The following PREPL variants were observed in gnomAD, a reference collection of about 807,000 sequenced individuals.
PREPL encodes the protein prolyl endopeptidase-like.
In PREPL, 77 loss-of-function variants were observed where a neutral mutation model predicts 70.6. The observed-to-expected ratio is 1.09, with a 90% CI of 0.91 to 1.32. PREPL has a LOEUF of 1.32. Among genes scored for constraint, PREPL ranks in the 40% most tolerant of loss-of-function variants. The probability of loss-of-function intolerance (pLI) is 0.00; values close to 1 mark genes in which losing one functional copy is unlikely to be tolerated. For synonymous variants in PREPL, 315 were observed against 264.8 expected (o/e 1.19, Z -1.84); for missense variants, 1,002 against 778.2 (o/e 1.29, Z -3.42).
chr2:44,352,408 G>A (rs541123274), intron 1 of PREPL, among the ~76,000 whole-genome samples: 222 of 152,156 alleles, frequency 1.5e-3, no homozygotes, highest in Non-Finnish European at 2.5e-3. Flanking sequence ...TGAGACTACA[G>A]GCGCCACCAT....
At chr2:44,344,495 C>A (rs200821132) in intron 3 of PREPL, 25 bp downstream of exon 3, 3 of 1,498,904 alleles carry the variant, frequency 2.0e-6, no homozygotes, top group Non-Finnish European at 1.8e-6. Context: ...AATTAGAGCA[C>A]GTAAAAAGAA....
At chr2:44,347,960 T>C (rs1376832814) in intron 1 of PREPL, among the ~76,000 whole-genome samples, 2 of 152,224 alleles carry the variant, frequency 1.3e-5, no homozygotes, top group Admixed American at 6.5e-5. Context: ...TTTTAGATTT[T>C]TTTGGGACAC....
Position 44,346,316 on chromosome 2 carries a change from T to C in PREPL, c.27A>G (p.Thr9=), listed in dbSNP as rs755653904. 1.1e-5 allele frequency: 18 copies of C among 1,612,460 alleles called. No individual in the cohort carries two copies. The South Asian group carries it at 2.0e-4, about 18-fold the overall frequency. ...CTTCTTGTGGCTGTGTTTCTAATTT[T>C]GTTCTCACTTTTTCAAATGCATCCA... MDAFEKVR[T]KLETQPQEEY... Residue 9 remains threonine (T), a synonymous_variant, in exon 2 of 14, where the codon ACA becomes ACG. Transcript: ENST00000409411.
In PREPL at chr2:44,323,601, A is replaced by C. The variant is rs540772876; in HGVS notation, c.1480-190T>G. On this transcript the variant is annotated intron_variant, in intron 10 of 13. Coordinates refer to ENST00000409411, the MANE Select transcript of PREPL (RefSeq NM_001171613.2). ...TTTATAACCTACTTTTAAAGTCTTC[A>C]GATTCCTTAAATGACATATAACAAG... Among the ~76,000 whole-genome samples, 23 of 152,356 alleles carry C rather than the reference A, an allele frequency of 1.5e-4. 1 individual carries two copies. In the East Asian group the frequency reaches 4.4e-3, roughly 29 times the overall value.
chr2:44,327,013 GT>G (rs577522391), intron 9 of PREPL, 85 bp from the exon 10 acceptor site: 7 of 1,129,462 alleles, frequency 6.2e-6, no homozygotes, highest in Non-Finnish European at 9.1e-6. Flanking sequence ...CTGGAGGCCT[GT>G]TTTTTGTGTG....
intron 8 of PREPL, among the ~76,000 whole-genome samples, chr2:44,330,029 A>T (rs1261205787): frequency 6.6e-6 from 1 of 152,236 alleles, no homozygotes; most frequent in African/African-American, 2.4e-5. Context: ...GCAAAATGTA[A>T]TCAAATAAGG....
intron 1 of PREPL, among the ~76,000 whole-genome samples, chr2:44,357,980 A>G (rs1211423433): frequency 6.6e-6 from 1 of 152,242 alleles, no homozygotes; most frequent in East Asian, 1.9e-4. Context: ...CATAAACAGT[A>G]AAAGTCTAGG....
chr2:44,359,597 C>T lies in PREPL; in HGVS notation c.-49+1783G>A. 6.2e-7 allele frequency: 1 copy of T among 1,611,500 alleles called. No homozygotes were observed. The highest frequency in any genetic ancestry group is 1.7e-5 in the Admixed American group (1 of 59,998). On this transcript the variant is annotated intron_variant, in intron 1 of 13. Transcript: ENST00000409411. ...TAGGTGATATTTTTTCAATTTTATT[C>T]TATTGTAACAATGATCAGCGAAGTT...
intron 8 of PREPL, among the ~76,000 whole-genome samples, chr2:44,331,965 G>C (rs918830875): frequency 1.4e-5 from 1 of 69,018 alleles, no homozygotes; most frequent in Non-Finnish European, 2.9e-5. Flanking sequence ...TTTTTTTTTT[G>C]AGACGGAGTC....
chr2:44,354,711 A>G lies in PREPL; in HGVS notation c.-49+6669T>C, dbSNP rs192085875. Among the ~76,000 whole-genome samples the G allele has an allele frequency of 5.1e-4, 78 of 152,162 alleles. No individual in the cohort carries two copies. In the East Asian group the frequency reaches 0.015, roughly 28 times the overall value. ...TTCCTCAGCGTCCCGAGTAGCTGGG[A>G]TTACAGGCATGCGCCACCAGGCCCG... On this transcript the variant is annotated intron_variant, in intron 1 of 13. Transcript: ENST00000409411.
intron 10 of PREPL, among the ~76,000 whole-genome samples, chr2:44,325,403 C>T (rs1298826116): frequency 1.3e-5 from 2 of 152,196 alleles, no homozygotes; most frequent in African/African-American, 4.8e-5. Flanking sequence ...AATTCTATGC[C>T]TTTGGCTCTG....
intron 1 of PREPL, among the ~76,000 whole-genome samples, chr2:44,349,595 A>G (rs1311753846): frequency 6.6e-6 from 1 of 152,194 alleles, no homozygotes; most frequent in East Asian, 1.9e-4. Flanking sequence ...GATAACAAAG[A>G]AACTAAAGAG....
At position 44,320,505 on chromosome 2, in the gene PREPL, A is replaced by C. The variant is rs1249819352; in HGVS notation, c.*851T>G. On this transcript the variant is annotated 3_prime_UTR_variant, in exon 14 of 14. Coordinates refer to ENST00000409411, the MANE Select transcript of PREPL (RefSeq NM_001171613.2). ...TGATACAAGTGGCATTTTTCTGGAC[A>C]AGGGAGAGGGACTCATCTTTGAACA... 6 of 1,614,026 alleles carry C rather than the reference A, an allele frequency of 3.7e-6. No homozygotes were observed.
intron 12 of PREPL, 77 bp from the exon 13 acceptor site, chr2:44,321,977 T>C: frequency 3.5e-6 from 5 of 1,416,410 alleles, no homozygotes; most frequent in Middle Eastern, 4.2e-4. Flanking sequence ...ATTCCTCCCC[T>C]CTTCTTTGAG....
chr2:44,354,434 A>G (rs373007722), intron 1 of PREPL, among the ~76,000 whole-genome samples: 1 of 152,222 alleles, frequency 6.6e-6, no homozygotes, highest in East Asian at 1.9e-4. Context: ...TAGTAATAGC[A>G]GAGAGGTAAA....
At chr2:44,338,569 A>G (rs746284741) in intron 6 of PREPL, 33 bp from the exon 7 acceptor site, 51 of 1,534,698 alleles carry the variant, frequency 3.3e-5, no homozygotes, top group South Asian at 3.0e-4. Context: ...ACATATAGGT[A>G]AGAAAACACG....
chr2:44,358,764 T>C (rs1262800271), intron 1 of PREPL, among the ~76,000 whole-genome samples: 1 of 152,190 alleles, frequency 6.6e-6, no homozygotes, highest in African/African-American at 2.4e-5. Context: ...TACAATACTC[T>C]GACAGTGTCT....
At chr2:44,347,000 A>T (rs913702231) in intron 1 of PREPL, among the ~76,000 whole-genome samples, 2 of 152,026 alleles carry the variant, frequency 1.3e-5, no homozygotes, top group African/African-American at 4.8e-5. Context: ...TTCTTGTGGG[A>T]ATAACTAAGC....
chr2:44,357,014 A>G (rs1293349157), intron 1 of PREPL, among the ~76,000 whole-genome samples: 1 of 152,162 alleles, frequency 6.6e-6, no homozygotes, highest in Non-Finnish European at 1.5e-5. Context: ...CCATGTTGCC[A>G]AGGCTGGTCT....
Sources: gnomAD v4.1 joint callset for allele counts (sites outside exome capture counted in the v4.1 genomes callset) on GRCh38, gnomAD v4.1.1 for gene constraint, MANE v1.5 for transcripts, NCBI Gene and HGNC (gene_info 2026-07-23, HGNC 2026-07-21) for gene names.